SLC16A11: variants seen among roughly 807,000 people sequenced by gnomAD.
SLC16A11 encodes the protein monocarboxylate transporter 11.
SLC16A11 carries 24 observed loss-of-function variants against 26.0 expected under a neutral mutation model. The ratio of observed to expected loss-of-function variants is 0.92; its 90% confidence interval spans 0.67 to 1.30. The LOEUF is 1.30. Ranked by LOEUF, SLC16A11 falls within the 50% of genes most tolerant of loss-of-function variation. SLC16A11 has a pLI of 0.00. For missense variants in SLC16A11, 638 were observed against 597.7 expected (o/e 1.07, Z -0.70); for synonymous variants, 332 against 296.0 (o/e 1.12, Z -1.25).
Position 7,043,423 on chromosome 17 carries a change from G to C in SLC16A11, c.91C>G (p.Leu31Val), listed in dbSNP as rs373190741. The C allele has an allele frequency of 6.9e-6, 11 of 1,603,106 alleles. No individual in the cohort carries two copies. The highest frequency in any genetic ancestry group is 1.3e-5 in the African/African-American group (1 of 74,862). Residue 31 changes from leucine to valine, a missense_variant, in exon 2 of 5, where the codon CTG becomes GTG. Coordinates refer to ENST00000574600, the MANE Select transcript of SLC16A11 (RefSeq NM_001370549.1). The stretch of plus-strand genomic sequence containing the variant: ...AAGGCAAGGCCCAGCGAGCGCAGCA[G>C]CCCGTAGGACAGCCCGTTTATCGCG... ...AFAINGLSYG[L>V]LRSLGLAFPD...
Position 7,042,607 on chromosome 17 carries a change from C to A in SLC16A11, c.503G>T (p.Gly168Val). The A allele has an allele frequency of 1.3e-6, 2 of 1,585,254 alleles. No individual in the cohort carries two copies. The highest frequency in any genetic ancestry group is 1.7e-6 in the Non-Finnish European group (2 of 1,168,926). ...PALQLLLDTF[G>V]WRGALLLLGA... is the part of the protein sequence containing the mutation. ...GAGGAGGAGCAGAGCGCCCCGCCAG[C>A]CGAAAGTATCGAGAAGAAGCTGCAA... Residue 168 changes from glycine (G) to valine (V), a missense_variant, in exon 4 of 5, where the codon GGC (glycine) becomes GTC (valine). By Grantham distance (109) the Gly-to-Val change is moderately radical. Coordinates refer to ENST00000574600, the MANE Select transcript of SLC16A11 (RefSeq NM_001370549.1). The surrounding 1 kb of genome is among the most constrained non-coding windows in gnomAD (Gnocchi z 5.9).
Position 7,041,771 on chromosome 17 carries a change from G to A in SLC16A11, c.1252C>T (p.Pro418Ser), listed in dbSNP as rs755329872. The change falls in exon 5 of 5, where the codon CCT (proline) becomes TCT (serine). Residue 418 changes from proline to serine, a missense_variant. Physicochemically the swap from Pro to Ser is moderately conservative, Grantham distance 74 (BLOSUM62 -1). Transcript: ENST00000574600. Reference sequence around the variant, plus strand: ...AGCAGCTCCCCCGTCTCTGGGGGAGGCGTGGCTGGAGGGGAGGCTGGACCA... The same window carrying A: ...AGCAGCTCCCCCGTCTCTGGGGGAGACGTGGCTGGAGGGGAGGCTGGACCA... ...SCGPASPPAT[P>S]PPETGELLPA... 6.2e-7 allele frequency: 1 copy of A among 1,613,660 alleles called. No individual in the cohort carries two copies. The highest frequency in any genetic ancestry group is 8.5e-7 in the Non-Finnish European group (1 of 1,179,946).
chr17:7,042,839 C>T lies in SLC16A11; in HGVS notation c.347-76G>A. 6.3e-7 allele frequency: 1 copy of T among 1,580,344 alleles called. No individual in the cohort carries two copies. Among genetic ancestry groups the T allele is most frequent in the African/African-American group, 1.3e-5 (1 of 74,412 alleles). ...AGCATTCCCAGCCCGGCTCTCCGCA[C>T]CAGGCCCCCGCCTCGTTCGCTACCC... is the stretch of plus-strand genomic sequence containing the variant. On this transcript the variant is annotated intron_variant, in intron 3 of 4. Coordinates refer to ENST00000574600, the MANE Select transcript of SLC16A11 (RefSeq NM_001370549.1). The surrounding 1 kb of genome is among the most constrained non-coding windows in gnomAD (Gnocchi z 5.9).
At position 7,042,302 on chromosome 17, in the gene SLC16A11, G is replaced by C; in HGVS notation, c.808C>G (p.Arg270Gly). ...AVAAMGDAGA[R>G]LVCGWLADQG... The stretch of plus-strand genomic sequence containing the variant: ...TCTGCCAGCCACCCGCAGACCAGCC[G>C]GGCGCCCGCATCCCCCATCGCAGCC... The change falls in exon 4 of 5, where the codon CGG becomes GGG. Residue 270 changes from arginine to glycine, a missense_variant. Coordinates refer to ENST00000574600, the MANE Select transcript of SLC16A11 (RefSeq NM_001370549.1). This position sits in a 1 kb window ranked among gnomAD's most constrained non-coding sequence, Gnocchi z 5.9. 3.9e-6 allele frequency: 6 copies of C among 1,552,222 alleles called. No homozygotes were observed. The highest frequency in any genetic ancestry group is 4.4e-6 in the Non-Finnish European group (5 of 1,147,998).
rs530596415 is a variant in SLC16A11 at position 7,042,844 on chromosome 17, C to T, written c.347-81G>A. 9.7e-5 allele frequency: 154 copies of T among 1,584,238 alleles called. 1 individual carries two copies. The African/African-American group carries it at 1.9e-3, about 19-fold the overall frequency. ...TCCCAGCCCGGCTCTCCGCACCAGG[C>T]CCCCGCCTCGTTCGCTACCCCAGAT... On this transcript the variant is annotated intron_variant, in intron 3 of 4. Transcript: ENST00000574600. The surrounding 1 kb of genome is among the most constrained non-coding windows in gnomAD (Gnocchi z 5.9).
In SLC16A11 at chr17:7,041,738, G is replaced by A; in HGVS notation, c.1285C>T (p.Pro429Ser). 1.2e-6 allele frequency: 2 copies of A among 1,613,342 alleles called. No individual in the cohort carries two copies. Among genetic ancestry groups the A allele is most frequent in the African/African-American group, 1.3e-5 (1 of 75,020 alleles). ...PPETGELLPA[P>S]QAVLLSPGGP... is the part of the protein sequence containing the mutation. ...CCTGGGGACAGCAAGACTGCCTGGG[G>A]AGCGGGAAGCAGCTCCCCCGTCTCT... Residue 429 changes from proline to serine, a missense_variant, in exon 5 of 5, where the codon CCC (proline) becomes TCC (serine). Pro to Ser is a moderately conservative substitution (Grantham distance 74, BLOSUM62 -1). Coordinates refer to ENST00000574600, the MANE Select transcript of SLC16A11 (RefSeq NM_001370549.1).
rs1490901429 is a variant in SLC16A11, at chr17:7,043,469, C to G, written c.45G>C (p.Trp15Cys). Residue 15 changes from tryptophan to cysteine, a missense_variant, in exon 2 of 5, where the codon TGG (tryptophan) becomes TGC (cysteine). Transcript: ENST00000574600. ...TCGCGAAGGCTGCGGCCGCCACCAC[C>G]CAGCCCCAGCCCCCATCCGGGGGTC... is the stretch of plus-strand genomic sequence containing the variant. The part of the protein sequence containing the change: ...PAGPPDGGWG[W>C]VVAAAAFAIN... The G allele has an allele frequency of 2.5e-6, 4 of 1,597,262 alleles. No homozygotes were observed. The African/African-American group carries it at 4.0e-5, about 16-fold the overall frequency.
rs752399315 is a variant in SLC16A11 at position 7,041,680 on chromosome 17, C to A, written c.1343G>T (p.Ter448LeuextTer?). The A allele has an allele frequency of 3.8e-6, 6 of 1,577,414 alleles. No individual in the cohort carries two copies. The Admixed American group carries it at 5.8e-5, about 15-fold the overall frequency. The change falls in exon 5 of 5, where the codon TGA (stop) becomes TTA (leucine). Residue 448 changes from the stop codon to leucine (L), a stop_lost. Coordinates refer to ENST00000574600, the MANE Select transcript of SLC16A11 (RefSeq NM_001370549.1). ...GGAGGGGCTCAAACAAGAAAATAAT[C>A]AACAAGTGGTGTCCAGAGTGGAGCC... ...GPGSTLDTTC[*>L]
intron 1 of SLC16A11, 27 bp downstream of exon 1, chr17:7,043,748 G>T: frequency 5.0e-6 from 4 of 798,380 alleles, no homozygotes; most frequent in Non-Finnish European, 7.5e-6. Flanking sequence ...GAGGTTCCCC[G>T]TCCCACGCAC....
chr17:7,042,828 G>A lies in SLC16A11; in HGVS notation c.347-65C>T. The A allele has an allele frequency of 6.4e-7, 1 of 1,568,724 alleles. No homozygotes were observed. Among genetic ancestry groups the A allele is most frequent in the Non-Finnish European group, 8.6e-7 (1 of 1,157,864 alleles). ...ACGCCCGCCCCAGCATTCCCAGCCC[G>A]GCTCTCCGCACCAGGCCCCCGCCTC... On this transcript the variant is annotated intron_variant, in intron 3 of 4. Transcript: ENST00000574600. This position sits in a 1 kb window ranked among gnomAD's most constrained non-coding sequence, Gnocchi z 5.9.
In SLC16A11 at chr17:7,042,847, C is replaced by T; in HGVS notation, c.346+83G>A. 6.3e-7 allele frequency: 1 copy of T among 1,588,522 alleles called. No individual in the cohort carries two copies. The highest frequency in any genetic ancestry group is 8.6e-7 in the Non-Finnish European group (1 of 1,168,006). On this transcript the variant is annotated intron_variant, in intron 3 of 4. Transcript: ENST00000574600. The surrounding 1 kb of genome is among the most constrained non-coding windows in gnomAD (Gnocchi z 5.9). ...CAGCCCGGCTCTCCGCACCAGGCCC[C>T]CGCCTCGTTCGCTACCCCAGATCCC...
chr17:7,043,047 G>A lies in SLC16A11; in HGVS notation c.229C>T (p.Arg77Cys), dbSNP rs759970949. The change falls in exon 3 of 5, where the codon CGC (arginine) becomes TGC (cysteine). Residue 77 changes from arginine (R) to cysteine (C), a missense_variant. Arg to Cys is a radical substitution (Grantham distance 180). Transcript: ENST00000574600. ...ASPVGSALSTRWGARPVVMVG... is the reference protein window; with the variant it reads ...ASPVGSALSTCWGARPVVMVG... Reference sequence around the variant, plus strand: ...ATCACCACGGGGCGGGCCCCCCAGCGCGTGCTCAGGGCGCTGCCCACGGGG... The same window carrying A: ...ATCACCACGGGGCGGGCCCCCCAGCACGTGCTCAGGGCGCTGCCCACGGGG... The A allele has an allele frequency of 1.1e-5, 18 of 1,566,576 alleles. No homozygotes were observed. Among genetic ancestry groups the A allele is most frequent in the Non-Finnish European group, 1.6e-5 (18 of 1,155,760 alleles).
Position 7,041,652 on chromosome 17 carries a change from G to A in SLC16A11, c.*27C>T, listed in dbSNP as rs776711631. The A allele has an allele frequency of 6.5e-7, 1 of 1,545,288 alleles. No homozygotes were observed. Among genetic ancestry groups the A allele is most frequent in the South Asian group, 1.2e-5 (1 of 83,196 alleles). On this transcript the variant is annotated 3_prime_UTR_variant, in exon 5 of 5. Transcript: ENST00000574600. ...GAAAACCCGATAAAAATTCTTTATTGGGGGAGGGGCTCAAACAAGAAAATA... is the reference window on the plus strand; with the variant it reads ...GAAAACCCGATAAAAATTCTTTATTAGGGGAGGGGCTCAAACAAGAAAATA...
At position 7,041,664 on chromosome 17, in the gene SLC16A11, C is replaced by G; in HGVS notation, c.*15G>C. On this transcript the variant is annotated 3_prime_UTR_variant, in exon 5 of 5. Coordinates refer to ENST00000574600, the MANE Select transcript of SLC16A11 (RefSeq NM_001370549.1). ...AAAATTCTTTATTGGGGGAGGGGCT[C>G]AAACAAGAAAATAATCAACAAGTGG... The G allele has an allele frequency of 6.4e-7, 1 of 1,567,468 alleles. No homozygotes were observed. The highest frequency in any genetic ancestry group is 8.6e-7 in the Non-Finnish European group (1 of 1,157,942).
At chr17:7,043,700 C>A in intron 1 of SLC16A11, 75 bp downstream of exon 1, 2 of 1,300,852 alleles carry the variant, frequency 1.5e-6, no homozygotes, top group Non-Finnish European at 2.0e-6. Flanking sequence ...CGGGTCCGCG[C>A]GAGGTACGGG....
intron 4 of SLC16A11, 30 bp from the exon 5 acceptor site, chr17:7,041,938 C>T: frequency 6.2e-7 from 1 of 1,609,724 alleles, no homozygotes; most frequent in East Asian, 2.2e-5. Context: ...CATTTAGAAG[C>T]CTCGAACCCC....
Position 7,043,504 on chromosome 17 carries a change from G to T in SLC16A11, c.10C>A (p.Gln4Lys). 6.3e-7 allele frequency: 1 copy of T among 1,598,394 alleles called. No homozygotes were observed. The highest frequency in any genetic ancestry group is 8.5e-7 in the Non-Finnish European group (1 of 1,178,316). The part of the protein sequence containing the change: MTP[Q>K]PAGPPDGGWG... The stretch of plus-strand genomic sequence containing the variant: ...CCCCCATCCGGGGGTCCGGCGGGCT[G>T]GGGGGTCATCGCCGTCTGCGGGGTG... The change falls in exon 2 of 5, where the codon CAG becomes AAG. Residue 4 changes from glutamine to lysine, a missense_variant. Transcript: ENST00000574600.
chr17:7,043,650 G>GGGCGGAGGGAGCCGGAGCCT (rs1910876677), intron 1 of SLC16A11, 125 bp downstream of exon 1: 3 of 1,484,404 alleles, frequency 2.0e-6, no homozygotes, highest in African/African-American at 2.8e-5. Flanking sequence ...CGATGGCGCG[G>GGGCGGAGGGAGCCGGAGCCT]GGCGGAGGGA....
Position 7,042,638 on chromosome 17 carries a change from G to C in SLC16A11, c.472C>G (p.Pro158Ala). 6.4e-7 allele frequency: 1 copy of C among 1,572,282 alleles called. No homozygotes were observed. Among genetic ancestry groups the C allele is most frequent in the South Asian group, 1.2e-5 (1 of 86,152 alleles). Reference protein sequence around the residue: ...GNGASSLLLAPALQLLLDTFG... With the variant: ...GNGASSLLLAAALQLLLDTFG... Reference sequence around the variant, plus strand: ...GTATCGAGAAGAAGCTGCAAGGCGGGCGCCAGGAGCAGCGAGGAGGCCCCG... The same window carrying C: ...GTATCGAGAAGAAGCTGCAAGGCGGCCGCCAGGAGCAGCGAGGAGGCCCCG... The change falls in exon 4 of 5, where the codon CCC becomes GCC. Residue 158 changes from proline to alanine, a missense_variant. Coordinates refer to ENST00000574600, the MANE Select transcript of SLC16A11 (RefSeq NM_001370549.1). This position sits in a 1 kb window ranked among gnomAD's most constrained non-coding sequence, Gnocchi z 5.9.
Sources: gnomAD v4.1 joint callset for allele counts on GRCh38, gnomAD v4.1.1 for gene constraint, Gnocchi (gnomAD v3.1) non-coding constraint, MANE v1.5 for transcripts, NCBI Gene and HGNC (gene_info 2026-07-23, HGNC 2026-07-21) for gene names.